CAMK4: variants seen among roughly 807,000 people sequenced by gnomAD.
CAMK4 encodes calcium/calmodulin-dependent protein kinase type IV.
In CAMK4, 22 loss-of-function variants were observed where a neutral mutation model predicts 44.9. The observed-to-expected ratio is 0.49, with a 90% CI of 0.35 to 0.70. The LOEUF (loss-of-function observed/expected upper bound fraction) is 0.70. CAMK4 is among the 30% of genes least tolerant of loss of function. CAMK4 has a pLI of 0.01. For missense variants in CAMK4, 498 were observed against 586.8 expected, an observed-to-expected ratio of 0.85 and a Z score of 1.56; for synonymous variants, 218 against 215.4, an observed-to-expected ratio of 1.01 and a Z score of -0.11.
At chr5:111,396,409 A>G (rs996014345) in intron 5 of CAMK4, among the ~76,000 whole-genome samples, 3 of 152,084 alleles carry the variant, frequency 2.0e-5, no homozygotes, top group African/African-American at 4.8e-5. Context: ...TCAGATTTTC[A>G]TCACACATAA....
chr5:111,245,655 C>G (rs1454029689), intron 1 of CAMK4, among the ~76,000 whole-genome samples: 1 of 152,184 alleles, frequency 6.6e-6, no homozygotes, highest in Non-Finnish European at 1.5e-5. Context: ...AACTGATTCC[C>G]TGATCTAATA....
chr5:111,229,873 G>T (rs542736994), intron 1 of CAMK4, among the ~76,000 whole-genome samples: 1 of 152,300 alleles, frequency 6.6e-6, no homozygotes, highest in East Asian at 1.9e-4. Flanking sequence ...GCTTCATAGG[G>T]TCTTCCCAGG....
At position 111,344,482 on chromosome 5, in the gene CAMK4, A is replaced by G. The variant is rs145647057; in HGVS notation, c.240+380A>G. 4.6e-5 allele frequency among the ~76,000 whole-genome samples: 7 copies of G among 151,926 alleles called. No homozygotes were observed. In the East Asian group the frequency reaches 1.2e-3, roughly 25 times the overall value. ...ATTTCAATATTTAAATATTAAAACC[A>G]CATTTTAATATTAGAAAAGCTTGCT... is the stretch of plus-strand genomic sequence containing the variant. On this transcript the variant is annotated intron_variant, in intron 2 of 10. Transcript: ENST00000282356.
intron 8 of CAMK4, 60 bp from the exon 9 acceptor site, chr5:111,478,321 T>C: frequency 9.1e-7 from 1 of 1,102,976 alleles, no homozygotes. Flanking sequence ...CCTACAGAAA[T>C]TGGATGAAAT....
chr5:111,371,439 C>A (rs1012517900), intron 2 of CAMK4, among the ~76,000 whole-genome samples: 1 of 152,208 alleles, frequency 6.6e-6, no homozygotes, highest in African/African-American at 2.4e-5. Flanking sequence ...TTCCATCTTT[C>A]ACTATCTTCT....
chr5:111,346,261 A>G (rs1749859131), intron 2 of CAMK4, among the ~76,000 whole-genome samples: 2 of 151,940 alleles, frequency 1.3e-5, no homozygotes, highest in Non-Finnish European at 2.9e-5. Flanking sequence ...TGAGGAAAAA[A>G]AACAAAAGGG....
At chr5:111,404,347 C>G (rs974962398) in intron 5 of CAMK4, among the ~76,000 whole-genome samples, 18 of 152,140 alleles carry the variant, frequency 1.2e-4, no homozygotes, top group African/African-American at 3.9e-4. Context: ...TAGAACCAGT[C>G]CATGGTCAGT....
intron 1 of CAMK4, among the ~76,000 whole-genome samples, chr5:111,333,837 C>T (rs1749280648): frequency 6.6e-6 from 1 of 151,414 alleles, no homozygotes; most frequent in African/African-American, 2.4e-5. Flanking sequence ...AATATAAGGT[C>T]TTGAAAAAGG....
intron 5 of CAMK4, among the ~76,000 whole-genome samples, chr5:111,420,791 C>T (rs370560089): frequency 1.8e-4 from 27 of 152,324 alleles, no homozygotes; most frequent in Middle Eastern, 6.8e-3. Flanking sequence ...CCCAGCTCAC[C>T]GGCGGTCAGA....
At chr5:111,410,509 T>G (rs1752594761) in intron 5 of CAMK4, among the ~76,000 whole-genome samples, 1 of 152,292 alleles carries the variant, frequency 6.6e-6, no homozygotes, top group East Asian at 1.9e-4. Context: ...ATAACACTAC[T>G]GTATGTCTGT....
At chr5:111,396,628 A>ATT (rs1210775733) in intron 5 of CAMK4, among the ~76,000 whole-genome samples, 8 of 41,278 alleles carry the variant, frequency 1.9e-4, no homozygotes, top group Admixed American at 1.1e-3. Flanking sequence ...ATTAACTCAT[A>ATT]TTCTTTTTTT....
At chr5:111,252,543 T>C (rs1749552424) in intron 1 of CAMK4, among the ~76,000 whole-genome samples, 1 of 152,152 alleles carries the variant, frequency 6.6e-6, no homozygotes, top group Non-Finnish European at 1.5e-5. Flanking sequence ...GTGTAAAAAA[T>C]ATCCTATGAG....
chr5:111,258,026 A>G (rs1749814280), intron 1 of CAMK4, among the ~76,000 whole-genome samples: 1 of 152,154 alleles, frequency 6.6e-6, no homozygotes, highest in South Asian at 2.1e-4. Context: ...CGGGGGAGGG[A>G]GAGTATCAGG....
chr5:111,471,485 T>G (rs560227326), intron 7 of CAMK4, among the ~76,000 whole-genome samples: 24 of 152,358 alleles, frequency 1.6e-4, no homozygotes, highest in African/African-American at 5.8e-4. Context: ...AAAGCCTCAG[T>G]GATTTCGCCA....
At chr5:111,239,808 C>A (rs888775223) in intron 1 of CAMK4, among the ~76,000 whole-genome samples, 2 of 152,196 alleles carry the variant, frequency 1.3e-5, no homozygotes, top group Admixed American at 1.3e-4. Context: ...CACACTTTCT[C>A]AAAAATGTCA....
intron 6 of CAMK4, among the ~76,000 whole-genome samples, chr5:111,447,828 T>C (rs1302952005): frequency 6.6e-6 from 1 of 152,180 alleles, no homozygotes; most frequent in African/African-American, 2.4e-5. Context: ...AAGGAAAAAA[T>C]CCTGAAAGTC....
intron 1 of CAMK4, among the ~76,000 whole-genome samples, chr5:111,291,623 A>T (rs1331629347): frequency 6.6e-6 from 1 of 152,178 alleles, no homozygotes; most frequent in East Asian, 1.9e-4. Flanking sequence ...GGCCAAAGTG[A>T]TCCTCTTGCC....
At chr5:111,368,844 T>C (rs898756324) in intron 2 of CAMK4, among the ~76,000 whole-genome samples, 6 of 152,014 alleles carry the variant, frequency 3.9e-5, no homozygotes, top group Non-Finnish European at 4.4e-5. Context: ...CACCAAACTA[T>C]GCCCTGCACA....
At position 111,340,213 on chromosome 5, in the gene CAMK4, T is replaced by A. The variant is rs144356251; in HGVS notation, c.162-3811T>A. On this transcript the variant is annotated intron_variant, in intron 1 of 10. Transcript: ENST00000282356. Reference sequence around the variant, plus strand: ...CTTTTTGATTCAGATTCCTTTTATTTCTTTGCCTTGCCTAATTGTTCTGGC... The same window carrying A: ...CTTTTTGATTCAGATTCCTTTTATTACTTTGCCTTGCCTAATTGTTCTGGC... Among the ~76,000 whole-genome samples, 486 of 151,364 alleles carry A rather than the reference T, an allele frequency of 3.2e-3. 2 individuals carry two copies. Among genetic ancestry groups the A allele is most frequent in the African/African-American group, 0.011 (468 of 41,480 alleles).
Sources: allele counts gnomAD v4.1 joint callset (sites outside exome capture counted in the v4.1 genomes callset), GRCh38; gene constraint gnomAD v4.1.1; transcripts MANE v1.5; gene names NCBI Gene and HGNC (gene_info 2026-07-23, HGNC 2026-07-21).